ARHGEF38: variants seen among roughly 807,000 people sequenced by gnomAD.
ARHGEF38 encodes Rho guanine nucleotide exchange factor (GEF) 38.
ARHGEF38 carries 79 observed loss-of-function variants against 79.9 expected under a neutral mutation model. The ratio of observed to expected loss-of-function variants is 0.99; its 90% CI spans 0.82 to 1.19. The LOEUF is 1.19. ARHGEF38 is among the 50% of genes most tolerant of loss of function. The pLI is 0.00. For synonymous variants in ARHGEF38, 366 were observed against 328.3 expected (o/e 1.11, Z -1.24); for missense variants, 962 against 907.2 (o/e 1.06, Z -0.78).
At chr4:105,667,896 A>G (rs1015566011) in intron 13 of ARHGEF38, among the ~76,000 whole-genome samples, 193 bp downstream of exon 13, 1 of 152,186 alleles carries the variant, frequency 6.6e-6, no homozygotes, top group Non-Finnish European at 1.5e-5. Flanking sequence ...TGAAGCAAAG[A>G]ATTAGAGATA....
rs753002404 is a variant in ARHGEF38 at position 105,625,514 on chromosome 4, A to T, written c.509-5384A>T. ...GGGATGCAACCTCCTTCCAGCTCACAGCTCCACTCACCAAGAGGTGGCTGT... is the reference window on the plus strand; with the variant it reads ...GGGATGCAACCTCCTTCCAGCTCACTGCTCCACTCACCAAGAGGTGGCTGT... On this transcript the variant is annotated intron_variant, in intron 3 of 13. Transcript: ENST00000420470. Among the ~76,000 whole-genome samples, 79 of 152,240 alleles carry T rather than the reference A, an allele frequency of 5.2e-4. 1 individual carries two copies. Among genetic ancestry groups the T allele is most frequent in the Non-Finnish European group, 1.8e-4 (12 of 68,054 alleles).
chr4:105,589,500 A>T, intron 2 of ARHGEF38, 65 bp downstream of exon 2: 1 of 1,415,242 alleles, frequency 7.1e-7, no homozygotes, highest in Non-Finnish European at 9.6e-7. Context: ...AGCACCATGA[A>T]ATTGAAGCAC....
chr4:105,659,439 C>A (rs948306944), intron 10 of ARHGEF38, 74 bp downstream of exon 10: 3 of 1,406,644 alleles, frequency 2.1e-6, no homozygotes, highest in Admixed American at 2.3e-5. Context: ...CATACGAAAG[C>A]CCTGTTCAGA....
At chr4:105,650,742 CT>C (rs768581761) in intron 7 of ARHGEF38, among the ~76,000 whole-genome samples, 3 of 152,170 alleles carry the variant, frequency 2.0e-5, no homozygotes, top group Non-Finnish European at 4.4e-5. Context: ...CATGTACATT[CT>C]TAGAACACAA....
intron 2 of ARHGEF38, among the ~76,000 whole-genome samples, chr4:105,590,133 AAG>A (rs1413418800): frequency 3.3e-5 from 5 of 149,906 alleles, no homozygotes; most frequent in South Asian, 4.2e-4. Flanking sequence ...GAAGGAAAGA[AAG>A]AAAAAAAAGA....
intron 13 of ARHGEF38, among the ~76,000 whole-genome samples, chr4:105,674,216 T>C (rs1429967836): frequency 6.6e-6 from 1 of 152,018 alleles, no homozygotes; most frequent in Non-Finnish European, 1.5e-5. Flanking sequence ...AATAATACAG[T>C]GTTATAAAAA....
At chr4:105,566,384 A>G (rs760240001) in intron 1 of ARHGEF38, among the ~76,000 whole-genome samples, 1 of 152,168 alleles carries the variant, frequency 6.6e-6, no homozygotes, top group Non-Finnish European at 1.5e-5. Flanking sequence ...GGTTATCATA[A>G]TTCTATTTAT....
chr4:105,644,639 T>C (rs1349854606), intron 5 of ARHGEF38, among the ~76,000 whole-genome samples: 1 of 152,242 alleles, frequency 6.6e-6, no homozygotes, highest in Non-Finnish European at 1.5e-5. Flanking sequence ...TAATAATAAC[T>C]AAAGAATTAT....
At chr4:105,630,098 A>G (rs1204917781) in intron 3 of ARHGEF38, among the ~76,000 whole-genome samples, 1 of 152,112 alleles carries the variant, frequency 6.6e-6, no homozygotes, top group East Asian at 1.9e-4. Flanking sequence ...CTTTACAAAT[A>G]CCACCTCTTT....
At chr4:105,606,203 A>G (rs1274851910) in intron 2 of ARHGEF38, among the ~76,000 whole-genome samples, 1 of 152,080 alleles carries the variant, frequency 6.6e-6, no homozygotes, top group East Asian at 1.9e-4. Context: ...TTGGGGCCCT[A>G]TTTGAACCTG....
chr4:105,594,155 C>T (rs1213019572), intron 2 of ARHGEF38, among the ~76,000 whole-genome samples: 1 of 152,154 alleles, frequency 6.6e-6, no homozygotes. Context: ...TGCCTTTTTC[C>T]CACTTCTCAA....
chr4:105,681,941 T>C (rs17036102), downstream of ARHGEF38, among the ~76,000 whole-genome samples: 35,589 of 152,094 alleles, frequency 0.23, 5,819 homozygotes, highest in African/African-American at 0.47. Context: ...ACAAGTCATA[T>C]ATTTCCATCT....
intron 1 of ARHGEF38, among the ~76,000 whole-genome samples, chr4:105,577,604 T>A (rs1726569193): frequency 6.6e-6 from 1 of 151,982 alleles, no homozygotes; most frequent in Non-Finnish European, 1.5e-5. Context: ...TTCTCCCATC[T>A]CGCTGCTTAT....
Position 105,679,920 on chromosome 4 carries a change from A to C in ARHGEF38, c.*1983A>C, listed in dbSNP as rs540001433. 4 of 1,401,388 alleles carry C rather than the reference A, an allele frequency of 2.9e-6. No homozygotes were observed. The Admixed American group carries it at 6.8e-5, about 24-fold the overall frequency. The allele number at this position is 1,401,388 out of a possible 1,614,324, so 86.8% of individuals were successfully genotyped here. On this transcript the variant is annotated 3_prime_UTR_variant, in exon 14 of 14. Transcript: ENST00000420470. ...ACATTGGTTGCCACCAAAACTTTAT[A>C]ATTACCTCTCTGAAGCCTTTTAGTG...
intron 5 of ARHGEF38, among the ~76,000 whole-genome samples, chr4:105,640,842 A>C (rs770084953): frequency 6.6e-6 from 1 of 152,144 alleles, no homozygotes; most frequent in Non-Finnish European, 1.5e-5. Flanking sequence ...AGAAATCTGA[A>C]ACATTCTGAT....
At chr4:105,634,530 G>A (rs1729323742) in intron 4 of ARHGEF38, among the ~76,000 whole-genome samples, 1 of 152,078 alleles carries the variant, frequency 6.6e-6, no homozygotes, top group African/African-American at 2.4e-5. Context: ...GTTATTTAAG[G>A]TTTCTGATCT....
At chr4:105,582,042 G>C (rs111617950) in intron 1 of ARHGEF38, among the ~76,000 whole-genome samples, 19,007 of 151,466 alleles carry the variant, frequency 0.13, 1,287 homozygotes, top group Non-Finnish European at 0.16. Flanking sequence ...GCGGGCGCCT[G>C]TAATCCCAGC....
intron 10 of ARHGEF38, among the ~76,000 whole-genome samples, chr4:105,661,486 A>G (rs950534540): frequency 1.5e-5 from 2 of 130,532 alleles, no homozygotes; most frequent in African/African-American, 5.1e-5. Context: ...TATTATTATT[A>G]TTATTATTAT....
At chr4:105,671,873 C>T (rs538955000) in intron 13 of ARHGEF38, among the ~76,000 whole-genome samples, 34 of 152,244 alleles carry the variant, frequency 2.2e-4, no homozygotes, top group African/African-American at 8.2e-4. Context: ...TTTCCCTCTC[C>T]CTTCCTACTG....
Sources: gnomAD v4.1 joint callset for allele counts (sites outside exome capture counted in the v4.1 genomes callset) on GRCh38, gnomAD v4.1.1 for gene constraint, MANE v1.5 for transcripts, NCBI Gene and HGNC (gene_info 2026-07-23, HGNC 2026-07-21) for gene names.